The following OLFM4 variants were observed in gnomAD, a reference collection of about 807,000 sequenced individuals.
OLFM4 encodes the protein olfactomedin-4.
A neutral mutation model predicts 25.5 loss-of-function variants in OLFM4; 22 were observed. The observed-to-expected ratio is 0.86, with a 90% CI of 0.62 to 1.23. OLFM4 has a LOEUF of 1.23. Among genes scored for constraint, OLFM4 ranks in the 50% most tolerant of loss-of-function variants. The pLI, the probability that OLFM4 is intolerant of heterozygous loss-of-function variation, is 0.00. For missense variants in OLFM4, 594 were observed against 619.4 expected (o/e 0.96, Z 0.44); for synonymous variants, 255 against 237.7 (o/e 1.07, Z -0.67).
chr13:53,045,982 G>C (rs4886119), intron 4 of OLFM4, among the ~76,000 whole-genome samples: 1 of 152,092 alleles, frequency 6.6e-6, no homozygotes, highest in Non-Finnish European at 1.5e-5. Context: ...GCAAGGTTCT[G>C]TGCTGGTCCA....
chr13:53,029,097 G>T (rs1199916233), intron 1 of OLFM4, 57 bp downstream of exon 1: 11 of 1,602,270 alleles, frequency 6.9e-6, no homozygotes, highest in Non-Finnish European at 9.4e-6. Context: ...TTTGCTTTTG[G>T]GTACCTGAAT....
chr13:53,050,434 A>G lies in OLFM4; in HGVS notation c.1196A>G (p.Glu399Gly). 1 of 1,614,030 alleles carries G rather than the reference A, an allele frequency of 6.2e-7. No homozygotes were observed. ...ENGLWVIYST[E>G]ASTGNMVISK... ...GGATTGTGGGTTATTTATTCAACTG[A>G]AGCCAGCACTGGTAACATGGTGATT... Residue 399 changes from glutamate (E) to glycine (G), a missense_variant, in exon 5 of 5, where the codon GAA (glutamate) becomes GGA (glycine). Transcript: ENST00000219022.
intron 4 of OLFM4, 102 bp downstream of exon 4, chr13:53,043,366 G>A: frequency 2.3e-6 from 2 of 860,954 alleles, no homozygotes. Flanking sequence ...AGAAGAAGGT[G>A]GGTTGTTTTT....
At chr13:53,039,672 A>T (rs75943619) in intron 2 of OLFM4, among the ~76,000 whole-genome samples, 4,451 of 152,164 alleles carry the variant, frequency 0.029, 229 homozygotes, top group African/African-American at 0.1. Context: ...GAATTTTGTT[A>T]TTCTTGGGAG....
At chr13:53,047,036 T>A (rs1166193196) in intron 4 of OLFM4, among the ~76,000 whole-genome samples, 1 of 152,196 alleles carries the variant, frequency 6.6e-6, no homozygotes, top group African/African-American at 2.4e-5. Flanking sequence ...TCCTTGGTAG[T>A]GGAGTAGGTA....
intron 4 of OLFM4, among the ~76,000 whole-genome samples, chr13:53,048,779 C>G (rs1463499913): frequency 2.6e-5 from 4 of 152,146 alleles, no homozygotes; most frequent in African/African-American, 9.7e-5. Context: ...TCCTGTCTCA[C>G]CTGCTCTGCT....
At chr13:53,035,091 T>C (rs1954651278) in intron 2 of OLFM4, among the ~76,000 whole-genome samples, 1 of 151,908 alleles carries the variant, frequency 6.6e-6, no homozygotes, top group African/African-American at 2.4e-5. Context: ...GATCTTTTTT[T>C]CCCTCCTTCT....
chr13:53,045,469 C>T (rs1272290875), intron 4 of OLFM4, among the ~76,000 whole-genome samples: 2 of 152,100 alleles, frequency 1.3e-5, no homozygotes, highest in African/African-American at 4.8e-5. Flanking sequence ...CTTTCACTTG[C>T]TCTCTTTCTG....
intron 1 of OLFM4, among the ~76,000 whole-genome samples, chr13:53,029,947 C>G (rs1954620385): frequency 6.6e-6 from 1 of 152,064 alleles, no homozygotes; most frequent in Non-Finnish European, 1.5e-5. Flanking sequence ...CTGGGCCTTT[C>G]TGCGGGAACC....
In OLFM4 at chr13:53,050,008, C is replaced by T. The variant is rs758724618; in HGVS notation, c.770C>T (p.Pro257Leu). Residue 257 changes from proline to leucine, a missense_variant, in exon 5 of 5, where the codon CCG (proline) becomes CTG (leucine). Physicochemically the swap from Pro to Leu is moderately conservative, Grantham distance 98 (BLOSUM62 -3). Transcript: ENST00000219022. Reference sequence around the variant, plus strand: ...GGTGGTGTGGTGAACATCAGCAAACCGTCTGTGGTTCAGCTCAACTGGAGA... The same window carrying T: ...GGTGGTGTGGTGAACATCAGCAAACTGTCTGTGGTTCAGCTCAACTGGAGA... The part of the protein sequence containing the change: ...GHGGVVNISK[P>L]SVVQLNWRGF... 6.8e-6 allele frequency: 11 copies of T among 1,611,370 alleles called. No individual in the cohort carries two copies. Among genetic ancestry groups the T allele is most frequent in the African/African-American group, 1.3e-5 (1 of 74,790 alleles).
chr13:53,044,547 G>A (rs755597004), intron 4 of OLFM4, among the ~76,000 whole-genome samples: 6 of 152,102 alleles, frequency 3.9e-5, no homozygotes, highest in Non-Finnish European at 8.8e-5. Context: ...TTCTTCAGGT[G>A]GATTTTTTTC....
intron 1 of OLFM4, among the ~76,000 whole-genome samples, chr13:53,032,613 C>T (rs1170768445): frequency 6.6e-6 from 1 of 152,056 alleles, no homozygotes; most frequent in African/African-American, 2.4e-5. Context: ...TGTTTCTCCT[C>T]CCTACTCCTG....
chr13:53,035,400 T>C (rs1209119578), intron 2 of OLFM4, among the ~76,000 whole-genome samples: 3 of 152,160 alleles, frequency 2.0e-5, no homozygotes, highest in Non-Finnish European at 4.4e-5. Context: ...TGCGTAATAA[T>C]CACATCATGG....
Position 53,043,218 on chromosome 13 carries a change from C to T in OLFM4, c.684C>T (p.Ala228=), listed in dbSNP as rs1403825097. 4 of 1,612,126 alleles carry T rather than the reference C, an allele frequency of 2.5e-6. No homozygotes were observed. The highest frequency in any genetic ancestry group is 3.4e-6 in the Non-Finnish European group (4 of 1,179,356). Residue 228 remains alanine (A), a synonymous_variant, in exon 4 of 5, where the codon GCC becomes GCT. Coordinates refer to ENST00000219022, the MANE Select transcript of OLFM4 (RefSeq NM_006418.5). ...ALKTKLKECE[A]SKDQNTPVVH... ...AGACCAAGCTGAAAGAGTGTGAGGC[C>T]TCTAAAGATCAAAACACCCCTGTCG...
rs149703302 is a variant in OLFM4, at chr13:53,035,228, C to CT, written c.357+735dup. Among the ~76,000 whole-genome samples, 634 of 151,894 alleles carry CT rather than the reference C, an allele frequency of 4.2e-3. 22 individuals are homozygous for CT. The East Asian group carries it at 0.085, about 20-fold the overall frequency. ...CTTCCTTCTCTCTCCCCCTCACTCT[C>CT]TTTTTTTGTGACAATAAGTTGTAGT... On this transcript the variant is annotated intron_variant, in intron 2 of 4. Transcript: ENST00000219022.
chr13:53,042,239 T>A, intron 3 of OLFM4, 117 bp downstream of exon 3: 1 of 845,598 alleles, frequency 1.2e-6, no homozygotes, highest in Non-Finnish European at 1.9e-6. Context: ...CTCTACTGTC[T>A]CATGGCCACA....
At chr13:53,048,084 C>T (rs17552902) in intron 4 of OLFM4, among the ~76,000 whole-genome samples, 5,784 of 152,248 alleles carry the variant, frequency 0.038, 131 homozygotes, top group East Asian at 0.076. Context: ...GAAACTTGAA[C>T]AGTTTTTGTT....
chr13:53,037,137 A>C (rs964378848), intron 2 of OLFM4, among the ~76,000 whole-genome samples: 2 of 152,212 alleles, frequency 1.3e-5, no homozygotes, highest in African/African-American at 4.8e-5. Context: ...CCAGTAGAAA[A>C]GGTTTTTGAC....
chr13:53,049,033 A>T (rs1040056260), intron 4 of OLFM4, among the ~76,000 whole-genome samples: 1 of 152,130 alleles, frequency 6.6e-6, no homozygotes, highest in African/African-American at 2.4e-5. Context: ...GCCCAGACTG[A>T]GTTATTTACC....
Sources: gnomAD v4.1 joint callset for allele counts (sites outside exome capture counted in the v4.1 genomes callset) on GRCh38, gnomAD v4.1.1 for gene constraint, MANE v1.5 for transcripts, NCBI Gene and HGNC (gene_info 2026-07-23, HGNC 2026-07-21) for gene names.